The following MYH1 variants were observed in gnomAD, a reference collection of about 807,000 sequenced individuals.
MYH1 encodes the protein myosin-1.
Under a neutral mutation model 225.6 loss-of-function variants are expected in MYH1, and 214 were observed. That is an observed-to-expected ratio of 0.95 (90% CI 0.85 to 1.06). The LOEUF (loss-of-function observed/expected upper bound fraction) is 1.06, where lower values mean the gene tolerates loss of function less well. MYH1 is among the 50% of genes least tolerant of loss of function. The probability of loss-of-function intolerance (pLI) is 0.00; values close to 1 mark genes in which losing one functional copy is unlikely to be tolerated. For missense variants in MYH1, 2,098 were observed against 2,344.2 expected, an observed-to-expected ratio of 0.89 and a Z score of 2.17; for synonymous variants, 774 against 842.3, an observed-to-expected ratio of 0.92 and a Z score of 1.40.
rs2073003632 is a variant in MYH1, at chr17:10,497,077, C to T, written c.4648G>A (p.Glu1550Lys). 1.9e-6 allele frequency: 3 copies of T among 1,613,778 alleles called. No homozygotes were observed. Among genetic ancestry groups the T allele is most frequent in the Non-Finnish European group, 2.5e-6 (3 of 1,180,014 alleles). The change falls in exon 33 of 40, where the codon GAG becomes AAG. Residue 1550 changes from glutamate (E) to lysine (K), a missense_variant. Glu to Lys is a moderately conservative substitution (Grantham distance 56). Transcript: ENST00000226207. ...TGCAATAAAATGCTTACCTCTGCCTCCTCTAAGGCAGCCTGAAGTTCAGAC... is the reference window on the plus strand; with the variant it reads ...TGCAATAAAATGCTTACCTCTGCCTTCTCTAAGGCAGCCTGAAGTTCAGAC... ...EKSELQAALE[E>K]AEASLEHEEG...
Position 10,512,758 on chromosome 17 carries a change from A to G in MYH1, c.931T>C (p.Tyr311His), listed in dbSNP as rs1454179138. Reference protein sequence around the residue: ...IEMLLITTNPYDYAFVSQGEI... With the variant: ...IEMLLITTNPHDYAFVSQGEI... ...CCTTGACTGACGAAGGCATAATCGT[A>G]TGGGTTGGTGGTGATCAGGAGCATT... is the stretch of plus-strand genomic sequence containing the variant. The change falls in exon 11 of 40, where the codon TAC becomes CAC. Residue 311 changes from tyrosine to histidine, a missense_variant. Tyr to His is a moderately conservative substitution (Grantham distance 83, BLOSUM62 2). Transcript: ENST00000226207. 5 of 1,614,052 alleles carry G rather than the reference A, an allele frequency of 3.1e-6. No homozygotes were observed. The highest frequency in any genetic ancestry group is 3.4e-6 in the Non-Finnish European group (4 of 1,179,984).
At position 10,508,551 on chromosome 17, in the gene MYH1, T is replaced by C. The variant is rs2073139573; in HGVS notation, c.1709A>G (p.Lys570Arg). 6.2e-7 allele frequency: 1 copy of C among 1,614,028 alleles called. No homozygotes were observed. Among genetic ancestry groups the C allele is most frequent in the African/African-American group, 1.3e-5 (1 of 74,912 alleles). Residue 570 changes from lysine (K) to arginine (R), a missense_variant, in exon 16 of 40, where the codon AAG becomes AGG. By Grantham distance (26) the Lys-to-Arg change is conservative. Transcript: ENST00000226207. The part of the protein sequence containing the change: ...LGKSNNFQKP[K>R]PAKGKPEAHF... ...GGCCTCAGGCTTGCCTTTGGCAGGC[T>C]TGGGCTTCTGGAAGTTATTGGATTT...
At chr17:10,513,037 G>T in intron 9 of MYH1, 72 bp from the exon 10 acceptor site, 1 of 1,003,914 alleles carries the variant, frequency 1.0e-6, no homozygotes, top group Non-Finnish European at 1.5e-6. Context: ...GAGGACTTGG[G>T]ATCATTAGCT....
At chr17:10,514,723 A>G in intron 6 of MYH1, 145 bp downstream of exon 6, 1 of 753,398 alleles carries the variant, frequency 1.3e-6, no homozygotes, top group East Asian at 2.5e-5. Context: ...TGCAATGTAA[A>G]CCTTATAATA....
chr17:10,517,411 T>C (rs752348232), intron 2 of MYH1, among the ~76,000 whole-genome samples: 69 of 152,346 alleles, frequency 4.5e-4, no homozygotes, highest in Non-Finnish European at 9.6e-4. Context: ...CTTAAATATT[T>C]ATTATAAAAC....
rs929288456 is a variant in MYH1, at chr17:10,505,268, A to T, written c.2330T>A (p.Leu777Gln). The T allele has an allele frequency of 6.2e-7, 1 of 1,614,172 alleles. No individual in the cohort carries two copies. Among genetic ancestry groups the T allele is most frequent in the South Asian group, 1.1e-5 (1 of 91,080 alleles). Residue 777 changes from leucine (L) to glutamine (Q), a missense_variant, in exon 21 of 40, where the codon CTA (leucine) becomes CAA (glutamine). Transcript: ENST00000226207. ...CAGCTTCTCATCTCGCATCTCCTCT[A>T]GGAGCCCCAGAAGACCAGCTTTGAA... ...VFFKAGLLGL[L>Q]EEMRDEKLAQ...
chr17:10,516,405 C>T (rs1193814810), intron 3 of MYH1, 34 bp downstream of exon 3: 1 of 1,614,172 alleles, frequency 6.2e-7, no homozygotes, highest in Admixed American at 1.7e-5. Context: ...CAAAATGAGG[C>T]AGAGTCTAAT....
intron 19 of MYH1, 95 bp from the exon 20 acceptor site, chr17:10,505,606 G>C: frequency 2.0e-6 from 3 of 1,469,774 alleles, no homozygotes; most frequent in Non-Finnish European, 1.8e-6. Flanking sequence ...TGGGTAATCT[G>C]AAATAAACAA....
Position 10,516,224 on chromosome 17 carries a change from T to C in MYH1, c.323A>G (p.Glu108Gly), listed in dbSNP as rs773693120. ...GTAGATCATCCAGGCTGCGTAGCGC[T>C]CTTTGAGGTTGTACAGCACAGCAGG... ...HEPAVLYNLK[E>G]RYAAWMIYTY... Residue 108 changes from glutamate (E) to glycine (G), a missense_variant, in exon 4 of 40, where the codon GAG becomes GGG. Coordinates refer to ENST00000226207, the MANE Select transcript of MYH1 (RefSeq NM_005963.4). 1 of 1,614,224 alleles carries C rather than the reference T, an allele frequency of 6.2e-7. No homozygotes were observed. The highest frequency in any genetic ancestry group is 1.7e-5 in the Admixed American group (1 of 60,036).
intron 15 of MYH1, among the ~76,000 whole-genome samples, chr17:10,509,020 G>A (rs1210098373): frequency 6.6e-6 from 1 of 152,128 alleles, no homozygotes; most frequent in Non-Finnish European, 1.5e-5. Flanking sequence ...GGATTCCGAT[G>A]TTTCATCCTA....
chr17:10,496,246 G>A lies in MYH1; in HGVS notation c.4960C>T (p.Leu1654Phe). ...CATCTGTTGGACATATTTACCTTGA[G>A]GATGGCTTGGGTGTTCCTATAGTTC... is the stretch of plus-strand genomic sequence containing the variant. The part of the protein sequence containing the change: ...LRNYRNTQAI[L>F]KDTQLHLDDA... The change falls in exon 34 of 40, where the codon CTC becomes TTC. Residue 1654 changes from leucine to phenylalanine, a missense_variant. Transcript: ENST00000226207. The A allele has an allele frequency of 6.2e-7, 1 of 1,614,150 alleles. No individual in the cohort carries two copies. The highest frequency in any genetic ancestry group is 8.5e-7 in the Non-Finnish European group (1 of 1,180,024).
intron 14 of MYH1, 62 bp from the exon 15 acceptor site, chr17:10,509,717 G>T: frequency 6.2e-7 from 1 of 1,613,566 alleles, no homozygotes; most frequent in Non-Finnish European, 8.5e-7. Flanking sequence ...CTTTGAAAGG[G>T]GTGTTTTTTT....
At chr17:10,505,127 A>C in intron 21 of MYH1, 36 bp downstream of exon 21, 7 of 1,613,552 alleles carry the variant, frequency 4.3e-6, no homozygotes, top group Non-Finnish European at 5.9e-6. Flanking sequence ...AAAACACCTA[A>C]GATGATGAGG....
Position 10,494,334 on chromosome 17 carries a change from C to G in MYH1, c.5667+20G>C, listed in dbSNP as rs776667621. On this transcript the variant is annotated intron_variant, in intron 39 of 39. Coordinates refer to ENST00000226207, the MANE Select transcript of MYH1 (RefSeq NM_005963.4). ...CTGGTCATGTCTGAGAAAAATCACC[C>G]CAAGGGGTTGTGAACTCACCGCTTC... The G allele has an allele frequency of 1.2e-6, 2 of 1,609,046 alleles. No homozygotes were observed. The highest frequency in any genetic ancestry group is 2.7e-5 in the African/African-American group (2 of 74,576).
chr17:10,516,678 C>T lies in MYH1; in HGVS notation c.-36G>A, dbSNP rs1041514790. On this transcript the variant is annotated 5_prime_UTR_variant, in exon 3 of 40. Transcript: ENST00000226207. ...TATTGATGGTAGCCCAGTTAAGGAC[C>T]CTGGCTGGGAGAGGAAGAAAAGAAA... 1.2e-6 allele frequency: 2 copies of T among 1,610,282 alleles called. No homozygotes were observed. Among genetic ancestry groups the T allele is most frequent in the Admixed American group, 1.7e-5 (1 of 59,724 alleles).
rs761262928 is a variant in MYH1 at position 10,512,137 on chromosome 17, G to A, written c.1203C>T (p.Ala401=). 77 of 1,614,030 alleles carry A rather than the reference G, an allele frequency of 4.8e-5. No homozygotes were observed. The highest frequency in any genetic ancestry group is 3.1e-4 in the East Asian group (14 of 44,892). The change falls in exon 13 of 40, where the codon GCC becomes GCT. Residue 401 remains alanine, a synonymous_variant. Transcript: ENST00000226207. ...CGACCTTGACCCTAGGGTAGCAGAG[G>A]GCTTTGAGCAGATCTGCAGAGTTCA... The part of the protein sequence containing the change: ...QNLNSADLLK[A]LCYPRVKVGN...
At position 10,504,972 on chromosome 17, in the gene MYH1, GA is replaced by G. The variant is rs1316092102; in HGVS notation, c.2528del (p.Leu843ProfsTer14). The G allele has an allele frequency of 1.9e-6, 3 of 1,614,058 alleles. No individual in the cohort carries two copies. The highest frequency in any genetic ancestry group is 2.5e-6 in the Non-Finnish European group (3 of 1,180,032). On this transcript the variant is annotated frameshift_variant, in exon 22 of 40. Transcript: ENST00000226207. LOFTEE classifies it high-confidence loss of function. ...WMKLYFKIKP[L>X]LKSAETEKEM... ...CCTTCTCTGTCTCTGCACTTTTGAG[GA>G]GGGGTTTGATCTTGAAATACAGCTT... is the stretch of plus-strand genomic sequence containing the variant.
Position 10,512,721 on chromosome 17 carries a change from A to G in MYH1, c.968T>C (p.Val323Ala). ...CTCTTCTTGGTCATCAATGCTGGGC[A>G]CTGTGATCTCCCCTTGACTGACGAA... is the stretch of plus-strand genomic sequence containing the variant. ...YAFVSQGEIT[V>A]PSIDDQEELM... is the part of the protein sequence containing the mutation. Residue 323 changes from valine to alanine, a missense_variant, in exon 11 of 40, where the codon GTG becomes GCG. Val to Ala is a moderately conservative substitution (Grantham distance 64, BLOSUM62 0). Coordinates refer to ENST00000226207, the MANE Select transcript of MYH1 (RefSeq NM_005963.4). 6.2e-7 allele frequency: 1 copy of G among 1,613,936 alleles called. No homozygotes were observed. The highest frequency in any genetic ancestry group is 8.5e-7 in the Non-Finnish European group (1 of 1,179,982).
rs142884848 is a variant in MYH1 at position 10,498,651 on chromosome 17, G to A, written c.4156C>T (p.Arg1386Cys). ...TTGGCCTCCTCCAGCTCCTCTGTGC[G>A]CTGGATGGCATCTGTCTCATATTTG... ...RTKYETDAIQ[R>C]TEELEEAKKK... The change falls in exon 30 of 40, where the codon CGC becomes TGC. Residue 1386 changes from arginine (R) to cysteine (C), a missense_variant. Physicochemically the swap from Arg to Cys is radical, Grantham distance 180. Transcript: ENST00000226207. 4.7e-4 allele frequency: 755 copies of A among 1,613,946 alleles called. 3 individuals carry two copies. Among genetic ancestry groups the A allele is most frequent in the South Asian group, 1.5e-3 (135 of 91,072 alleles).
Sources: gnomAD v4.1 joint callset for allele counts (sites outside exome capture counted in the v4.1 genomes callset) on GRCh38, gnomAD v4.1.1 for gene constraint, MANE v1.5 for transcripts, NCBI Gene and HGNC (gene_info 2026-07-23, HGNC 2026-07-21) for gene names.